Variants in SCHIP1 observed in about 807,000 individuals in gnomAD.
The protein encoded by SCHIP1 is schwannomin-interacting protein 1.
Under a neutral mutation model 29.7 loss-of-function variants are expected in SCHIP1, and 8 were observed. The ratio of observed to expected loss-of-function variants is 0.27; its 90% CI spans 0.16 to 0.49. The LOEUF (loss-of-function observed/expected upper bound fraction) is 0.49. Ranked by LOEUF, SCHIP1 falls within the 20% of genes least tolerant of loss-of-function variation. The probability of loss-of-function intolerance (pLI) is 0.99; values close to 1 mark genes in which losing one functional copy is unlikely to be tolerated. For missense variants in SCHIP1, 193 were observed against 294.6 expected, an observed-to-expected ratio of 0.66 and a Z score of 2.52; for synonymous variants, 76 against 94.9, an observed-to-expected ratio of 0.80 and a Z score of 1.16.
chr3:159,624,525 A>G, the SCHIP1 span, among the ~76,000 whole-genome samples: 1 of 152,182 alleles, frequency 6.6e-6, no homozygotes, highest in Non-Finnish European at 1.5e-5. Context: ...CATGCAGAGA[A>G]CAAGAAGCTA....
the SCHIP1 span, among the ~76,000 whole-genome samples, chr3:159,829,602 A>G: frequency 1.6e-4 from 25 of 152,348 alleles, no homozygotes; most frequent in African/African-American, 6.0e-4. Flanking sequence ...ACGTCAGCAT[A>G]TTTAATTTAT....
the SCHIP1 span, among the ~76,000 whole-genome samples, chr3:159,348,777 C>T: frequency 6.6e-6 from 1 of 152,184 alleles, no homozygotes; most frequent in Non-Finnish European, 1.5e-5. Context: ...ATAACCTCTT[C>T]AAAATTTAAT....
the SCHIP1 span, among the ~76,000 whole-genome samples, chr3:159,399,448 C>T: frequency 6.6e-6 from 1 of 152,122 alleles, no homozygotes; most frequent in Non-Finnish European, 1.5e-5. Context: ...ATCCCAAGTG[C>T]CCAGAACAGT....
the SCHIP1 span, among the ~76,000 whole-genome samples, chr3:159,417,583 A>T: frequency 6.6e-6 from 1 of 152,120 alleles, no homozygotes; most frequent in Admixed American, 6.5e-5. Flanking sequence ...AGGTAAATAG[A>T]CGGATAGTGA....
the SCHIP1 span, among the ~76,000 whole-genome samples, chr3:159,527,173 G>A: frequency 6.6e-6 from 1 of 152,026 alleles, no homozygotes; most frequent in African/African-American, 2.4e-5. Flanking sequence ...TCTCTGTCAG[G>A]GCCATCTTCA....
the SCHIP1 span, among the ~76,000 whole-genome samples, chr3:159,330,308 A>T: frequency 1.3e-5 from 2 of 152,192 alleles, no homozygotes; most frequent in African/African-American, 4.8e-5. Context: ...GTAAGATTGC[A>T]TACTAGTCTG....
the SCHIP1 span, among the ~76,000 whole-genome samples, chr3:159,687,219 A>G: frequency 2.0e-5 from 3 of 151,964 alleles, no homozygotes; most frequent in Non-Finnish European, 4.4e-5. Context: ...TCCCTCTACA[A>G]TCAGATCCAC....
the SCHIP1 span, among the ~76,000 whole-genome samples, chr3:159,692,285 G>A: frequency 6.6e-6 from 1 of 152,060 alleles, no homozygotes; most frequent in African/African-American, 2.4e-5. Context: ...TGCTAGGTTG[G>A]GGAAGTTCTC....
the SCHIP1 span, among the ~76,000 whole-genome samples, chr3:159,533,346 A>T: frequency 6.6e-6 from 1 of 152,162 alleles, no homozygotes; most frequent in African/African-American, 2.4e-5. Context: ...CACATAGGTG[A>T]AGGGGAGCAA....
the SCHIP1 span, among the ~76,000 whole-genome samples, chr3:159,500,712 C>CAA: frequency 2.0e-3 from 252 of 129,114 alleles, 2 homozygotes; most frequent in African/African-American, 6.6e-3. Flanking sequence ...GACTCTGTCT[C>CAA]AAAAAAAAAA....
the SCHIP1 span, among the ~76,000 whole-genome samples, chr3:159,720,511 T>G: frequency 6.6e-6 from 1 of 152,182 alleles, no homozygotes; most frequent in Non-Finnish European, 1.5e-5. Flanking sequence ...AATTTAAATT[T>G]AAATAAGACC....
At chr3:159,627,577 CA>C in the SCHIP1 span, among the ~76,000 whole-genome samples, 1 of 152,152 alleles carries the variant, frequency 6.6e-6, no homozygotes, top group African/African-American at 2.4e-5. Flanking sequence ...CCAGGATTTG[CA>C]CCTAAGTCTA....
chr3:159,638,936 G>A, the SCHIP1 span, among the ~76,000 whole-genome samples: 2 of 151,866 alleles, frequency 1.3e-5, no homozygotes, highest in African/African-American at 2.4e-5. Context: ...CTGAACTCTT[G>A]TGGATTATCT....
the SCHIP1 span, among the ~76,000 whole-genome samples, chr3:159,564,339 G>A: frequency 1.3e-5 from 2 of 151,884 alleles, no homozygotes; most frequent in Non-Finnish European, 2.9e-5. Context: ...CTCCATTTTG[G>A]GTACTTTCCT....
chr3:159,785,564 G>C, the SCHIP1 span, among the ~76,000 whole-genome samples: 52 of 148,660 alleles, frequency 3.5e-4, 1 homozygote, highest in South Asian at 0.011. Flanking sequence ...TCCTCTCAGG[G>C]CCATAGTTTT....
the SCHIP1 span, among the ~76,000 whole-genome samples, chr3:159,446,292 C>T: frequency 6.6e-6 from 1 of 151,954 alleles, no homozygotes; most frequent in East Asian, 1.9e-4. Context: ...ACATCTATTA[C>T]TGGGTCATAT....
chr3:159,503,666 G>C, the SCHIP1 span, among the ~76,000 whole-genome samples: 1 of 152,000 alleles, frequency 6.6e-6, no homozygotes. Context: ...CAGGTAAAAA[G>C]GATAACTGAG....
At chr3:159,392,966 C>T in the SCHIP1 span, among the ~76,000 whole-genome samples, 1 of 152,216 alleles carries the variant, frequency 6.6e-6, no homozygotes, top group Non-Finnish European at 1.5e-5. Flanking sequence ...ACGTCCTCTC[C>T]AGCACCTGTT....
At chr3:159,760,180 C>T in the SCHIP1 span, among the ~76,000 whole-genome samples, 1 of 152,120 alleles carries the variant, frequency 6.6e-6, no homozygotes, top group Non-Finnish European at 1.5e-5. Context: ...AATCTCCCTA[C>T]TTGCTAAATA....
Sources: allele counts gnomAD v4.1 joint callset (sites outside exome capture counted in the v4.1 genomes callset), GRCh38; gene constraint gnomAD v4.1.1; transcripts MANE v1.5; gene names NCBI Gene and HGNC (gene_info 2026-07-23, HGNC 2026-07-21).